The following CUX2 variants were observed in gnomAD, a reference collection of about 807,000 sequenced individuals.
CUX2 encodes homeobox protein cut-like 2.
A neutral mutation model predicts 144.8 loss-of-function variants in CUX2; 40 were observed. The ratio of observed to expected loss-of-function variants is 0.28; its 90% CI spans 0.21 to 0.36. The LOEUF (loss-of-function observed/expected upper bound fraction) is 0.36, where lower values mean the gene tolerates loss of function less well. Ranked by LOEUF, CUX2 falls within the 10% of genes least tolerant of loss-of-function variation. The pLI, the probability that CUX2 is intolerant of heterozygous loss-of-function variation, is 1.00. For missense variants in CUX2, 1,615 were observed against 1,994.0 expected (o/e 0.81, Z 3.62); for synonymous variants, 827 against 875.6 (o/e 0.94, Z 0.98).
intron 1 of CUX2, among the ~76,000 whole-genome samples, chr12:111,092,905 C>T (rs1468020103): frequency 2.7e-5 from 4 of 150,878 alleles, no homozygotes; most frequent in African/African-American, 4.9e-5. Context: ...GCCTCTGCCT[C>T]CCAGGCTCAA....
rs367753058 is a variant in CUX2, at chr12:111,295,500, C to A, written c.637+91C>A. The A allele has an allele frequency of 8.8e-7, 1 of 1,133,864 alleles. No homozygotes were observed. 70.2% of individuals were successfully genotyped at this position (1,133,864 alleles called of 1,614,324 possible). On this transcript the variant is annotated intron_variant, in intron 7 of 21. Coordinates refer to ENST00000261726, the MANE Select transcript of CUX2 (RefSeq NM_015267.4). This position sits in a 1 kb window ranked among gnomAD's most constrained non-coding sequence, Gnocchi z 5.0. Reference sequence around the variant, plus strand: ...GGTCACGGCTTGGGGTCTGCCACATCCAGGTGTTTTAGAATCAAGAGGGCA... The same window carrying A: ...GGTCACGGCTTGGGGTCTGCCACATACAGGTGTTTTAGAATCAAGAGGGCA...
chr12:111,137,875 A>C (rs61625274), intron 1 of CUX2, among the ~76,000 whole-genome samples: 19,636 of 152,202 alleles, frequency 0.13, 4,253 homozygotes, highest in African/African-American at 0.45. Flanking sequence ...TGGACCACCA[A>C]TTCCCTGCCC....
rs148291980 is a variant in CUX2 at position 111,268,211 on chromosome 12, G to GTT, written c.301+4377_301+4378dup. On this transcript the variant is annotated intron_variant, in intron 4 of 21. Coordinates refer to ENST00000261726, the MANE Select transcript of CUX2 (RefSeq NM_015267.4). ...GGCAAAGACACTTTGGTTTTTGTTT[G>GTT]TTTTTTGTTTTTTGTTTTTTGTTTT... Among the ~76,000 whole-genome samples the GTT allele has an allele frequency of 1.6e-3, 211 of 130,902 alleles. 2 individuals are homozygous for GTT. The highest frequency in any genetic ancestry group is 2.6e-3 in the Non-Finnish European group (168 of 64,786). 85.9% of individuals were successfully genotyped at this position (130,902 alleles called of 152,430 possible).
chr12:111,194,725 T>G (rs1383562482), intron 1 of CUX2, among the ~76,000 whole-genome samples: 1 of 152,284 alleles, frequency 6.6e-6, no homozygotes, highest in Non-Finnish European at 1.5e-5. Flanking sequence ...CGGTCCCTGA[T>G]GTACCCGGTG....
chr12:111,137,258 TTAAAGTCCACTG>T (rs972423056), intron 1 of CUX2, among the ~76,000 whole-genome samples: 22 of 152,132 alleles, frequency 1.4e-4, no homozygotes, highest in Admixed American at 3.9e-4. Context: ...AAGGGACACT[TTAAAGTCCACTG>T]TAAAGTCCAC....
Position 111,319,968 on chromosome 12 carries a change from G to C in CUX2, c.2003-44G>C, listed in dbSNP as rs141705150. ...GTGAACATCGTCCCCTGCATGCCGA[G>C]CCCTGACCCTGGGCCTCGGGCCGTC... On this transcript the variant is annotated intron_variant, in intron 16 of 21. Coordinates refer to ENST00000261726, the MANE Select transcript of CUX2 (RefSeq NM_015267.4). 739 of 1,433,434 alleles carry C rather than the reference G, an allele frequency of 5.2e-4. 2 individuals carry two copies. In the African/African-American group the frequency reaches 7.7e-3, roughly 15 times the overall value. 88.8% of individuals were successfully genotyped at this position (1,433,434 alleles called of 1,614,324 possible). A position where few individuals can be genotyped will look rare whatever the true frequency, so the allele number is the denominator to read the frequency against.
chr12:111,217,801 G>C, intron 2 of CUX2, 89 bp from the exon 3 acceptor site: 1 of 1,375,986 alleles, frequency 7.3e-7, no homozygotes, highest in Non-Finnish European at 1.0e-6. Flanking sequence ...GGGAAATGCT[G>C]AGCCAGGGAC....
At chr12:111,251,047 C>T (rs549742680) in intron 3 of CUX2, among the ~76,000 whole-genome samples, 7 of 152,134 alleles carry the variant, frequency 4.6e-5, no homozygotes, top group South Asian at 2.1e-4. Flanking sequence ...ATTTGCAAGG[C>T]GCTAAAGAAA....
chr12:111,149,182 A>C (rs1000622148), intron 1 of CUX2, among the ~76,000 whole-genome samples: 1 of 152,132 alleles, frequency 6.6e-6, no homozygotes, highest in African/African-American at 2.4e-5. Flanking sequence ...CATCCTAGCT[A>C]AGCTTGTCCA....
rs971732404 is a variant in CUX2 at position 111,263,664 on chromosome 12, T to G, written c.223-97T>G. On this transcript the variant is annotated intron_variant, in intron 3 of 21. Transcript: ENST00000261726. The surrounding 1 kb of genome is among the most constrained non-coding windows in gnomAD (Gnocchi z 4.0). ...ACAAAACAAAACAAAACAAAAAACC[T>G]GCAGATGTTTTCTTGTGGAAAAAAA... The G allele has an allele frequency of 9.5e-6, 9 of 945,664 alleles. No homozygotes were observed. The highest frequency in any genetic ancestry group is 4.8e-5 in the East Asian group (2 of 41,362). The allele number at this position is 945,664 out of a possible 1,614,324, so 58.6% of individuals were successfully genotyped here. A position where few individuals can be genotyped will look rare whatever the true frequency, so the allele number is the denominator to read the frequency against.
intron 1 of CUX2, among the ~76,000 whole-genome samples, chr12:111,099,021 G>A (rs954964938): frequency 6.6e-6 from 1 of 152,218 alleles, no homozygotes; most frequent in Admixed American, 6.5e-5. Flanking sequence ...CTGGAGTAAG[G>A]ATAGGTGCTC....
At chr12:111,296,301 C>T (rs1885985849) in intron 7 of CUX2, among the ~76,000 whole-genome samples, 172 bp from the exon 8 acceptor site, 1 of 152,164 alleles carries the variant, frequency 6.6e-6, no homozygotes, top group African/African-American at 2.4e-5. Context: ...CCTTTAGGGG[C>T]AGGAAACTCA....
chr12:111,202,397 T>G (rs1329281998), intron 1 of CUX2, among the ~76,000 whole-genome samples: 2 of 152,168 alleles, frequency 1.3e-5, no homozygotes, highest in Non-Finnish European at 2.9e-5. Flanking sequence ...TTTTCGGGGC[T>G]TGCCGACAAG....
chr12:111,253,191 C>T (rs1883652047), intron 3 of CUX2, among the ~76,000 whole-genome samples: 1 of 152,266 alleles, frequency 6.6e-6, no homozygotes, highest in African/African-American at 2.4e-5. Context: ...CCTGTTAAAA[C>T]GCGTGTCAGA....
chr12:111,267,533 G>T (rs1246371131), intron 4 of CUX2, among the ~76,000 whole-genome samples: 1 of 152,162 alleles, frequency 6.6e-6, no homozygotes, highest in African/African-American at 2.4e-5. Context: ...TCTGCTCCGT[G>T]TGACAAGCTG....
At chr12:111,219,411 A>G (rs902406147) in intron 3 of CUX2, among the ~76,000 whole-genome samples, 1 of 151,534 alleles carries the variant, frequency 6.6e-6, no homozygotes, top group Admixed American at 6.6e-5. Context: ...AGAGGTTCCC[A>G]TCTACCAACT....
At position 111,098,505 on chromosome 12, in the gene CUX2, C is replaced by G. The variant is rs372783223; in HGVS notation, c.63+64265C>G. 6.6e-5 allele frequency among the ~76,000 whole-genome samples: 10 copies of G among 152,300 alleles called. No individual in the cohort carries two copies. In the East Asian group the frequency reaches 7.7e-4, roughly 12 times the overall value. ...GGGTACAGGCCAACGAGGGACCTTT[C>G]AAAGTAGATACGCATCTCTGGAGGG... On this transcript the variant is annotated intron_variant, in intron 1 of 21. Transcript: ENST00000261726.
At chr12:111,036,595 G>A (rs1869461399) in intron 1 of CUX2, among the ~76,000 whole-genome samples, 1 of 151,910 alleles carries the variant, frequency 6.6e-6, no homozygotes, top group Admixed American at 6.5e-5. Context: ...TGGGGAGATA[G>A]GACCCAGACC....
intron 1 of CUX2, among the ~76,000 whole-genome samples, chr12:111,074,520 A>G (rs1391004859): frequency 2.0e-5 from 3 of 151,912 alleles, no homozygotes; most frequent in South Asian, 2.1e-4. Flanking sequence ...TCTTTGCCCA[A>G]CCTTGCCTGG....
Sources: gnomAD v4.1 joint callset for allele counts (sites outside exome capture counted in the v4.1 genomes callset) on GRCh38, gnomAD v4.1.1 for gene constraint, Gnocchi (gnomAD v3.1) non-coding constraint, MANE v1.5 for transcripts, NCBI Gene and HGNC (gene_info 2026-07-23, HGNC 2026-07-21) for gene names.